ARID1B: variants seen among roughly 807,000 people sequenced by gnomAD.
ARID1B encodes AT-rich interactive domain-containing protein 1B.
Under a neutral mutation model 212.3 loss-of-function variants are expected in ARID1B, and 30 were observed. The observed-to-expected ratio is 0.14, with a 90% CI of 0.11 to 0.19. ARID1B has a LOEUF of 0.19. ARID1B is among the 10% of genes least tolerant of loss of function. The probability of loss-of-function intolerance (pLI) is 1.00; values close to 1 mark genes in which losing one functional copy is unlikely to be tolerated. For synonymous variants in ARID1B, 1,402 were observed against 1,301.7 expected (o/e 1.08, Z -1.66); for missense variants, 2,891 against 3,204.0 (o/e 0.90, Z 2.36).
Position 156,946,066 on chromosome 6 carries a change from A to G in ARID1B, c.2247+10490A>G, listed in dbSNP as rs543554023. Among the ~76,000 whole-genome samples the G allele has an allele frequency of 3.7e-4, 57 of 152,106 alleles. 2 individuals are homozygous for G. The highest frequency in any genetic ancestry group is 8.2e-4 in the African/African-American group (34 of 41,508). On this transcript the variant is annotated intron_variant, in intron 4 of 19. Coordinates refer to ENST00000636930, the MANE Select transcript of ARID1B (RefSeq NM_001374828.1). ...GACACTAGAAACTGCTAGTAAAAGA[A>G]GAATAATGGGCCAGGCGTGGTGGCT...
chr6:157,187,120 G>A (rs1051135308), intron 13 of ARID1B, among the ~76,000 whole-genome samples: 7 of 152,192 alleles, frequency 4.6e-5, no homozygotes, highest in Admixed American at 1.3e-4. Flanking sequence ...GGTGCCAGTG[G>A]CGATCTTGTT....
chr6:156,826,668 C>T (rs936324655), intron 1 of ARID1B, among the ~76,000 whole-genome samples: 4 of 152,242 alleles, frequency 2.6e-5, no homozygotes, highest in East Asian at 1.9e-4. Flanking sequence ...ACCTCCCCTC[C>T]GTCCCTCCTC....
chr6:157,197,446 A>T (rs530730424), intron 16 of ARID1B, among the ~76,000 whole-genome samples: 7 of 152,368 alleles, frequency 4.6e-5, no homozygotes, highest in African/African-American at 1.7e-4. Context: ...AAGGTTGAAA[A>T]ATCACGGCTT....
At position 156,916,685 on chromosome 6, in the gene ARID1B, G is replaced by C. The variant is rs117737846; in HGVS notation, c.2136+15160G>C. Among the ~76,000 whole-genome samples, 76 of 151,918 alleles carry C rather than the reference G, an allele frequency of 5.0e-4. 1 individual carries two copies. The East Asian group carries it at 0.014, about 29-fold the overall frequency. On this transcript the variant is annotated intron_variant, in intron 3 of 19. Transcript: ENST00000636930. Reference sequence around the variant, plus strand: ...TGCATCACATGCAGGTCTGCTTCCCGGTCCCCTCTTAGCAAGCTCTCATGA... The same window carrying C: ...TGCATCACATGCAGGTCTGCTTCCCCGTCCCCTCTTAGCAAGCTCTCATGA...
rs139827666 is a variant in ARID1B, at chr6:156,950,460, T to C, written c.2247+14884T>C. Among the ~76,000 whole-genome samples the C allele has an allele frequency of 2.2e-3, 342 of 152,328 alleles. 1 individual carries two copies. Among genetic ancestry groups the C allele is most frequent in the African/African-American group, 8.0e-3 (333 of 41,566 alleles). ...TTAAAATATTATATAGGTTTGTGTA[T>C]ATATATGGGGATGTAAGAGAAAGGG... On this transcript the variant is annotated intron_variant, in intron 4 of 19. Coordinates refer to ENST00000636930, the MANE Select transcript of ARID1B (RefSeq NM_001374828.1).
chr6:156,872,060 G>A (rs2128146294), intron 2 of ARID1B, among the ~76,000 whole-genome samples: 1 of 152,356 alleles, frequency 6.6e-6, no homozygotes, highest in South Asian at 2.1e-4. Context: ...TTGTTGGGAA[G>A]TTGGAATAGA....
At chr6:156,859,039 A>G (rs1785140653) in intron 2 of ARID1B, among the ~76,000 whole-genome samples, 1 of 152,186 alleles carries the variant, frequency 6.6e-6, no homozygotes, top group Non-Finnish European at 1.5e-5. Flanking sequence ...TTAATTTTTT[A>G]AATGATTATG....
rs576749044 is a variant in ARID1B at position 157,116,342 on chromosome 6, C to T, written c.2581+5781C>T. ...TGTAGAGAGGTCAAAATTAATTTTT[C>T]GAAAACCTTCTAATTGAATTCCCTT... On this transcript the variant is annotated intron_variant, in intron 6 of 19. Transcript: ENST00000636930. Among the ~76,000 whole-genome samples, 58 of 151,814 alleles carry T rather than the reference C, an allele frequency of 3.8e-4. No homozygotes were observed. In the South Asian group the frequency reaches 0.011, roughly 30 times the overall value.
intron 4 of ARID1B, among the ~76,000 whole-genome samples, chr6:157,039,870 C>CCTTCCTTCCTTCCTTCCTTCCTTCCT (rs1781734770): frequency 1.5e-5 from 1 of 68,734 alleles, no homozygotes; most frequent in African/African-American, 4.8e-5. Context: ...CTCTCTCTTT[C>CCTTCCTTCCTTCCTTCCTTCCTTCCT]TCTTTCTTTT....
At chr6:157,112,362 A>C (rs1160681249) in intron 6 of ARID1B, among the ~76,000 whole-genome samples, 1 of 150,470 alleles carries the variant, frequency 6.6e-6, no homozygotes, top group African/African-American at 2.5e-5. Context: ...TTCTTACTAA[A>C]ATCCTTTTTT....
intron 1 of ARID1B, among the ~76,000 whole-genome samples, chr6:156,807,920 A>T (rs770135784): frequency 2.5e-4 from 38 of 152,182 alleles, no homozygotes; most frequent in Non-Finnish European, 5.3e-4. Context: ...AAGGATCAGG[A>T]TAGGGTCTTT....
intron 1 of ARID1B, among the ~76,000 whole-genome samples, chr6:156,820,707 C>G (rs1369119967): frequency 3.3e-5 from 5 of 152,212 alleles, no homozygotes; most frequent in African/African-American, 1.2e-4. Context: ...CTTGAAACCC[C>G]CTGCCTGCTC....
chr6:157,041,498 A>G (rs911713770), intron 4 of ARID1B, among the ~76,000 whole-genome samples: 1 of 152,252 alleles, frequency 6.6e-6, no homozygotes, highest in Admixed American at 6.5e-5. Context: ...AAGAAATCTT[A>G]CTAATCTAAT....
At chr6:157,108,423 C>A (rs1459509170) in intron 5 of ARID1B, among the ~76,000 whole-genome samples, 2 of 152,174 alleles carry the variant, frequency 1.3e-5, no homozygotes, top group African/African-American at 2.4e-5. Flanking sequence ...TGTCATGAGT[C>A]TATGAATCCA....
intron 17 of ARID1B, among the ~76,000 whole-genome samples, chr6:157,199,281 A>G (rs1042866581): frequency 1.3e-5 from 2 of 152,238 alleles, no homozygotes; most frequent in Non-Finnish European, 2.9e-5. Context: ...GAGAATGTGT[A>G]GAAAAGCAAC....
At chr6:156,903,263 G>A (rs1469667898) in intron 3 of ARID1B, among the ~76,000 whole-genome samples, 1 of 152,076 alleles carries the variant, frequency 6.6e-6, no homozygotes, top group African/African-American at 2.4e-5. Flanking sequence ...CTTAGTTTCA[G>A]TCTATCTTAT....
At chr6:157,093,865 C>A (rs910301102) in intron 5 of ARID1B, among the ~76,000 whole-genome samples, 2 of 152,194 alleles carry the variant, frequency 1.3e-5, no homozygotes, top group Non-Finnish European at 2.9e-5. Context: ...TCATTCTATT[C>A]TGTCATTAAT....
chr6:157,073,009 GT>G (rs1784082999), intron 4 of ARID1B, among the ~76,000 whole-genome samples: 4 of 151,562 alleles, frequency 2.6e-5, no homozygotes, highest in Admixed American at 2.6e-4. Context: ...AATATTGATT[GT>G]TAATATAACT....
intron 4 of ARID1B, among the ~76,000 whole-genome samples, chr6:156,944,681 G>A (rs1434329583): frequency 6.6e-6 from 1 of 152,208 alleles, no homozygotes; most frequent in African/African-American, 2.4e-5. Context: ...GGGAAGGAAG[G>A]CCCTAAGGGC....
Sources: gnomAD v4.1 joint callset for allele counts (sites outside exome capture counted in the v4.1 genomes callset) on GRCh38, gnomAD v4.1.1 for gene constraint, MANE v1.5 for transcripts, NCBI Gene and HGNC (gene_info 2026-07-23, HGNC 2026-07-21) for gene names.